CAMSAP1: variants seen among roughly 807,000 people sequenced by gnomAD.
CAMSAP1 encodes the protein calmodulin-regulated spectrin-associated protein 1.
CAMSAP1 carries 58 observed loss-of-function variants against 143.5 expected under a neutral mutation model. The ratio of observed to expected loss-of-function variants is 0.40; its 90% CI spans 0.33 to 0.50. The LOEUF is 0.50. Among genes scored for constraint, CAMSAP1 ranks in the 20% least tolerant of loss-of-function variants. CAMSAP1 has a pLI of 0.45. For missense variants in CAMSAP1, 1,969 were observed against 2,115.7 expected (o/e 0.93, Z 1.36); for synonymous variants, 945 against 859.3 (o/e 1.10, Z -1.74).
intron 7 of CAMSAP1, among the ~76,000 whole-genome samples, chr9:135,842,937 C>T (rs577881365): frequency 1.3e-5 from 2 of 152,230 alleles, no homozygotes; most frequent in South Asian, 2.1e-4. Flanking sequence ...CATCAACTAA[C>T]GGGCAAAATA....
chr9:135,903,887 A>G (rs11103212), intron 1 of CAMSAP1, among the ~76,000 whole-genome samples: 2,462 of 152,294 alleles, frequency 0.016, 66 homozygotes, highest in African/African-American at 0.055. Flanking sequence ...ACACTGTCCT[A>G]CCAAAACCCC....
At chr9:135,840,635 G>C (rs1299912431) in intron 7 of CAMSAP1, among the ~76,000 whole-genome samples, 1 of 152,204 alleles carries the variant, frequency 6.6e-6, no homozygotes, top group Admixed American at 6.5e-5. Flanking sequence ...CAACACAGAA[G>C]GCGGGTGATT....
Position 135,881,627 on chromosome 9 carries a change from A to G in CAMSAP1, c.585+6T>C, listed in dbSNP as rs1191626596. ...GTCACACACCACATCTAGGCAGGGCACTCACCTTGTTGATCCAGAACACCA... is the reference window on the plus strand; with the variant it reads ...GTCACACACCACATCTAGGCAGGGCGCTCACCTTGTTGATCCAGAACACCA... On this transcript the variant is annotated splice_donor_region_variant and intron_variant, in intron 3 of 16. Coordinates refer to ENST00000389532, the MANE Select transcript of CAMSAP1 (RefSeq NM_015447.4). The G allele has an allele frequency of 4.5e-6, 7 of 1,551,526 alleles. No homozygotes were observed. The South Asian group carries it at 4.8e-5, about 11-fold the overall frequency.
In CAMSAP1 at chr9:135,815,947, G is replaced by T; in HGVS notation, c.4330C>A (p.Arg1444=). 2 of 1,613,850 alleles carry T rather than the reference G, an allele frequency of 1.2e-6. No homozygotes were observed. The highest frequency in any genetic ancestry group is 8.5e-7 in the Non-Finnish European group (1 of 1,179,908). The change falls in exon 15 of 17, where the codon CGA becomes AGA. Residue 1444 remains arginine, a synonymous_variant. Transcript: ENST00000389532. ...LSRNPSRSTD[R]DWETASAASS... ...GCCGCCGACGCGGTCTCCCAGTCTC[G>T]GTCTGTGCTCCTGCTTGGGTTACGG...
chr9:135,811,178 G>A lies in CAMSAP1; in HGVS notation c.*131C>T. 1 of 1,084,120 alleles carries A rather than the reference G, an allele frequency of 9.2e-7. No individual in the cohort carries two copies. The highest frequency in any genetic ancestry group is 1.3e-6 in the Non-Finnish European group (1 of 763,578). The allele number at this position is 1,084,120 out of a possible 1,614,324, so 67.2% of individuals were successfully genotyped here. On this transcript the variant is annotated 3_prime_UTR_variant, in exon 17 of 17. Transcript: ENST00000389532. This position sits in a 1 kb window ranked among gnomAD's most constrained non-coding sequence, Gnocchi z 4.9. ...CTAGAAACCTCTTTGCAAAAGGTCTGTGACTTTGCACACTTCGTACCCAAA... is the reference window on the plus strand; with the variant it reads ...CTAGAAACCTCTTTGCAAAAGGTCTATGACTTTGCACACTTCGTACCCAAA...
rs1836070107 is a variant in CAMSAP1, at chr9:135,836,822, T to C, written c.1046-9238A>G. 6 of 978,430 alleles carry C rather than the reference T, an allele frequency of 6.1e-6. No individual in the cohort carries two copies. The South Asian group carries it at 1.9e-4, about 31-fold the overall frequency. The allele number at this position is 978,430 out of a possible 1,614,324, so 60.6% of individuals were successfully genotyped here. A position where few individuals can be genotyped will look rare whatever the true frequency, so the allele number is the denominator to read the frequency against. On this transcript the variant is annotated intron_variant, in intron 7 of 16. Coordinates refer to ENST00000389532, the MANE Select transcript of CAMSAP1 (RefSeq NM_015447.4). ...CACTTTCTACCCCGTTCTACAGACA[T>C]GTCACCACACACTTCTACCGACACA...
chr9:135,846,429 A>G (rs1340523957), intron 7 of CAMSAP1, among the ~76,000 whole-genome samples: 1 of 152,198 alleles, frequency 6.6e-6, no homozygotes, highest in African/African-American at 2.4e-5. Context: ...ATAAAAACCT[A>G]GAAGAAAACC....
In CAMSAP1 at chr9:135,906,951, C is replaced by A. The variant is rs1286135380; in HGVS notation, c.160+49G>T. The A allele has an allele frequency of 7.1e-5, 69 of 969,536 alleles. 1 individual carries two copies. Among genetic ancestry groups the A allele is most frequent in the Non-Finnish European group, 8.4e-5 (68 of 808,952 alleles). The allele number at this position is 969,536 out of a possible 1,614,324, so 60.1% of individuals were successfully genotyped here. ...GCCGGACCCCGGCCGCGTCCCCCGG[C>A]CCCGGCCCGCGCCCCTGGCCCCCGC... is the stretch of plus-strand genomic sequence containing the variant. On this transcript the variant is annotated intron_variant, in intron 1 of 16. Coordinates refer to ENST00000389532, the MANE Select transcript of CAMSAP1 (RefSeq NM_015447.4).
At chr9:135,880,652 G>A (rs921769064) in intron 3 of CAMSAP1, among the ~76,000 whole-genome samples, 3 of 152,170 alleles carry the variant, frequency 2.0e-5, no homozygotes, top group Non-Finnish European at 2.9e-5. Flanking sequence ...ATGGAGCACC[G>A]GCCTGGCTCT....
Position 135,881,630 on chromosome 9 carries a change from C to A in CAMSAP1, c.585+3G>T, listed in dbSNP as rs1426818402. On this transcript the variant is annotated splice_donor_region_variant and intron_variant, in intron 3 of 16. Transcript: ENST00000389532. ...ACACACCACATCTAGGCAGGGCACT[C>A]ACCTTGTTGATCCAGAACACCATGG... 3 of 1,551,666 alleles carry A rather than the reference C, an allele frequency of 1.9e-6. No individual in the cohort carries two copies. Among genetic ancestry groups the A allele is most frequent in the Non-Finnish European group, 1.7e-6 (2 of 1,146,974 alleles).
chr9:135,891,805 T>C (rs1472308662), intron 1 of CAMSAP1, among the ~76,000 whole-genome samples: 2 of 152,208 alleles, frequency 1.3e-5, no homozygotes, highest in East Asian at 3.8e-4. Flanking sequence ...GAGGTAAAGC[T>C]ACACTCTCTT....
Position 135,907,085 on chromosome 9 carries a change from G to T in CAMSAP1, c.75C>A (p.Asp25Glu). The T allele has an allele frequency of 8.6e-7, 1 of 1,160,028 alleles. No individual in the cohort carries two copies. Among genetic ancestry groups the T allele is most frequent in the East Asian group, 4.1e-5 (1 of 24,290 alleles). 71.9% of individuals were successfully genotyped at this position (1,160,028 alleles called of 1,614,324 possible). A position where few individuals can be genotyped will look rare whatever the true frequency, so the allele number is the denominator to read the frequency against. The change falls in exon 1 of 17, where the codon GAC becomes GAA. Residue 25 changes from aspartate to glutamate, a missense_variant. Coordinates refer to ENST00000389532, the MANE Select transcript of CAMSAP1 (RefSeq NM_015447.4). ...KMEAPPDGAA[D>E]LVPLDRYDAA... ...CGTCGTAGCGGTCCAGGGGCACGAG[G>T]TCGGCGGCGCCGTCCGGCGGGGCCT...
intron 7 of CAMSAP1, among the ~76,000 whole-genome samples, chr9:135,839,485 G>A (rs1479442907): frequency 6.6e-6 from 1 of 152,212 alleles, no homozygotes; most frequent in Non-Finnish European, 1.5e-5. Context: ...TCAGTGGAGG[G>A]AGAACATGCC....
At chr9:135,881,556 A>G in intron 3 of CAMSAP1, 77 bp downstream of exon 3, 5 of 1,478,752 alleles carry the variant, frequency 3.4e-6, no homozygotes, top group Non-Finnish European at 1.8e-6. Flanking sequence ...GTGACAGACA[A>G]GGTGTGCTGC....
rs1837991446 is a variant in CAMSAP1, at chr9:135,882,454, G to C, written c.423+362C>G. The stretch of plus-strand genomic sequence containing the variant: ...CTTGGGGGAGAAAAAGGCAGACTGA[G>C]TTATTTTAGCACAAAGTATGCATGA... On this transcript the variant is annotated intron_variant, in intron 2 of 16. Transcript: ENST00000389532. This position sits in a 1 kb window ranked among gnomAD's most constrained non-coding sequence, Gnocchi z 4.9. 6.6e-6 allele frequency among the ~76,000 whole-genome samples: 1 copy of C among 152,166 alleles called. No homozygotes were observed. Among genetic ancestry groups the C allele is most frequent in the Non-Finnish European group, 1.5e-5 (1 of 68,042 alleles).
chr9:135,877,340 G>T (rs982991068), intron 3 of CAMSAP1, among the ~76,000 whole-genome samples: 2 of 152,000 alleles, frequency 1.3e-5, no homozygotes, highest in African/African-American at 4.8e-5. Context: ...CTGCATTGGG[G>T]TAGAGGATTA....
At chr9:135,859,225 C>A (rs1178380287) in intron 5 of CAMSAP1, among the ~76,000 whole-genome samples, 1 of 152,174 alleles carries the variant, frequency 6.6e-6, no homozygotes, top group Non-Finnish European at 1.5e-5. Context: ...TATAAAGGCT[C>A]CCATGTTTGT....
chr9:135,818,664 C>A lies in CAMSAP1; in HGVS notation c.3960-48G>T. 3 of 1,592,232 alleles carry A rather than the reference C, an allele frequency of 1.9e-6. No individual in the cohort carries two copies. Among genetic ancestry groups the A allele is most frequent in the Non-Finnish European group, 2.6e-6 (3 of 1,167,370 alleles). Reference sequence around the variant, plus strand: ...CACTGCTCGGTCACGGGGCTTCTTCCACGACGCCTGCGCCGCGGCGCTCTG... The same window carrying A: ...CACTGCTCGGTCACGGGGCTTCTTCAACGACGCCTGCGCCGCGGCGCTCTG... On this transcript the variant is annotated intron_variant, in intron 12 of 16. Coordinates refer to ENST00000389532, the MANE Select transcript of CAMSAP1 (RefSeq NM_015447.4). The surrounding 1 kb of genome is among the most constrained non-coding windows in gnomAD (Gnocchi z 7.7).
Position 135,881,723 on chromosome 9 carries a change from C to A in CAMSAP1, c.495G>T (p.Val165=), listed in dbSNP as rs1837959625. ...TTGAGAAGCGCTTGACACTGGCCACCACCTTCTCGATGCTGATCATCTCCA... is the reference window on the plus strand; with the variant it reads ...TTGAGAAGCGCTTGACACTGGCCACAACCTTCTCGATGCTGATCATCTCCA... ...YTVEMISIEK[V]VASVKRFSTF... is the part of the protein sequence containing the mutation. The change falls in exon 3 of 17, where the codon GTG becomes GTT. Residue 165 remains valine, a synonymous_variant. Coordinates refer to ENST00000389532, the MANE Select transcript of CAMSAP1 (RefSeq NM_015447.4). 1 of 1,551,740 alleles carries A rather than the reference C, an allele frequency of 6.4e-7. No homozygotes were observed. Among genetic ancestry groups the A allele is most frequent in the African/African-American group, 1.4e-5 (1 of 73,048 alleles).
Sources: allele counts gnomAD v4.1 joint callset (sites outside exome capture counted in the v4.1 genomes callset), GRCh38; gene constraint gnomAD v4.1.1; non-coding constraint Gnocchi (gnomAD v3.1); transcripts MANE v1.5; gene names NCBI Gene and HGNC (gene_info 2026-07-23, HGNC 2026-07-21).